Variants in TPTE observed in about 807,000 individuals in gnomAD.
TPTE encodes transmembrane phosphatase with tensin homology.
A neutral mutation model predicts 84.1 loss-of-function variants in TPTE; 59 were observed. That is an observed-to-expected ratio of 0.70 (90% CI 0.57 to 0.87). The LOEUF (loss-of-function observed/expected upper bound fraction) is 0.87, where lower values mean the gene tolerates loss of function less well. Among genes scored for constraint, TPTE ranks in the 40% least tolerant of loss-of-function variants. The pLI is 0.00. For synonymous variants in TPTE, 130 were observed against 223.5 expected (o/e 0.58, Z 3.73); for missense variants, 382 against 659.6 (o/e 0.58, Z 4.61).
chr21:10,537,677 CAAAAAAAA>C (rs58515233), intron 3 of TPTE, among the ~76,000 whole-genome samples: 13 of 109,822 alleles, frequency 1.2e-4, no homozygotes, highest in African/African-American at 3.6e-4. Context: ...GACTCCCCCT[CAAAAAAAA>C]AAAAAAAGAA....
chr21:10,587,162 GTTA>G (rs368290761), intron 17 of TPTE, among the ~76,000 whole-genome samples: 852 of 150,560 alleles, frequency 5.7e-3, no homozygotes, highest in African/African-American at 0.02. Flanking sequence ...TCTTGCATTT[GTTA>G]TTATTTGTTT....
chr21:10,586,406 G>T, intron 17 of TPTE, among the ~76,000 whole-genome samples: 1 of 152,386 alleles, frequency 6.6e-6, no homozygotes, highest in Admixed American at 6.5e-5. Context: ...ATTATATTGT[G>T]TGGTGGACAC....
intron 17 of TPTE, among the ~76,000 whole-genome samples, chr21:10,581,602 T>C (rs2075272256): frequency 2.0e-5 from 3 of 152,306 alleles, no homozygotes; most frequent in African/African-American, 7.2e-5. Context: ...ATAGTAAAAA[T>C]ATTTTATATT....
intron 14 of TPTE, among the ~76,000 whole-genome samples, chr21:10,576,857 A>G (rs1187757766): frequency 2.0e-5 from 2 of 97,918 alleles, no homozygotes; most frequent in African/African-American, 2.6e-4. Flanking sequence ...ATATATATAT[A>G]TATATATATA....
At chr21:10,561,239 T>G in intron 10 of TPTE, 48 bp downstream of exon 10, 1 of 1,604,608 alleles carries the variant, frequency 6.2e-7, no homozygotes, top group African/African-American at 1.3e-5. Context: ...TGTAGTTTTA[T>G]AAGAAGCACT....
At chr21:10,587,173 T>C (rs1326772517) in intron 17 of TPTE, among the ~76,000 whole-genome samples, 1 of 152,308 alleles carries the variant, frequency 6.6e-6, no homozygotes, top group Non-Finnish European at 1.5e-5. Flanking sequence ...TTATTATTTG[T>C]TTTTTAATAG....
chr21:10,581,128 G>A (rs1322480501), intron 17 of TPTE, among the ~76,000 whole-genome samples: 32 of 152,274 alleles, frequency 2.1e-4, no homozygotes, highest in African/African-American at 7.7e-4. Context: ...CAGGTTCTGT[G>A]TTTAGCTGTA....
At chr21:10,580,355 T>G (rs1187207989) in intron 17 of TPTE, among the ~76,000 whole-genome samples, 1 of 152,312 alleles carries the variant, frequency 6.6e-6, no homozygotes, top group Non-Finnish European at 1.5e-5. Context: ...GCGTTTTAGT[T>G]TGATACAGTA....
intron 21 of TPTE, 97 bp downstream of exon 21, chr21:10,598,191 AAAGAG>A (rs1462180744): frequency 6.5e-7 from 1 of 1,533,894 alleles, no homozygotes; most frequent in Non-Finnish European, 8.9e-7. Flanking sequence ...CACTCACCAT[AAAGAG>A]ATTCCATAAC....
At position 10,603,573 on chromosome 21, in the gene TPTE, A is replaced by C; in HGVS notation, c.1461A>C (p.Thr487=). The change falls in exon 23 of 24, where the codon ACA becomes ACC. Residue 487 remains threonine (T), a synonymous_variant. Coordinates refer to ENST00000618007, the MANE Select transcript of TPTE (RefSeq NM_199261.4). ...KVQFFYSNLP[T]YYDNCSFYFW... The stretch of plus-strand genomic sequence containing the variant: ...TTTTTTCTTTTTAGAATCTTCCTAC[A>C]TACTATGACAATTGCTCATTTTACT... 2 of 1,612,428 alleles carry C rather than the reference A, an allele frequency of 1.2e-6. No individual in the cohort carries two copies. The highest frequency in any genetic ancestry group is 1.1e-5 in the South Asian group (1 of 90,960).
intron 1 of TPTE, among the ~76,000 whole-genome samples, chr21:10,522,623 T>C (rs2074003177): frequency 6.6e-6 from 1 of 152,308 alleles, no homozygotes; most frequent in Non-Finnish European, 1.5e-5. Flanking sequence ...CATTTGCTTA[T>C]TTGCCAGTTG....
At chr21:10,523,787 A>G (rs1419554940) in intron 1 of TPTE, among the ~76,000 whole-genome samples, 2 of 152,308 alleles carry the variant, frequency 1.3e-5, no homozygotes, top group Admixed American at 6.5e-5. Flanking sequence ...TAGCAGCATG[A>G]TTTATAGTCC....
intron 6 of TPTE, among the ~76,000 whole-genome samples, 200 bp from the exon 7 acceptor site, chr21:10,543,128 CA>C (rs2074401531): frequency 7.8e-6 from 1 of 128,624 alleles, no homozygotes; most frequent in Non-Finnish European, 1.5e-5. Flanking sequence ...TTCCCGGGTT[CA>C]CGCCATTCTC....
At chr21:10,556,689 CCT>C (rs1226812832) in intron 8 of TPTE, among the ~76,000 whole-genome samples, 1 of 152,312 alleles carries the variant, frequency 6.6e-6, no homozygotes, top group Non-Finnish European at 1.5e-5. Flanking sequence ...TTCTCCACAT[CCT>C]CTCCAGCACC....
chr21:10,523,072 G>A (rs1449110508), intron 1 of TPTE, among the ~76,000 whole-genome samples: 4 of 152,306 alleles, frequency 2.6e-5, no homozygotes, highest in African/African-American at 7.2e-5. Flanking sequence ...GAGCATAACT[G>A]AGCCCTCTGG....
chr21:10,545,996 C>T (rs902538512), intron 7 of TPTE, among the ~76,000 whole-genome samples: 11 of 152,230 alleles, frequency 7.2e-5, no homozygotes, highest in African/African-American at 2.4e-4. Context: ...TTTATATATA[C>T]ATATATGTGT....
intron 8 of TPTE, among the ~76,000 whole-genome samples, chr21:10,557,443 A>G (rs1237247956): frequency 9.2e-5 from 14 of 152,312 alleles, no homozygotes; most frequent in African/African-American, 3.1e-4. Flanking sequence ...ATGCCTTCAT[A>G]ATCTGTCAGA....
intron 17 of TPTE, among the ~76,000 whole-genome samples, chr21:10,584,168 T>C (rs1358235773): frequency 7.2e-5 from 11 of 152,296 alleles, no homozygotes; most frequent in African/African-American, 2.7e-4. Flanking sequence ...GCTTTCTCAT[T>C]TTCTGTATAG....
intron 20 of TPTE, among the ~76,000 whole-genome samples, chr21:10,597,481 C>T (rs1378846144): frequency 6.9e-6 from 1 of 144,060 alleles, no homozygotes; most frequent in African/African-American, 2.6e-5. Flanking sequence ...GTGGTGTGAT[C>T]TCGGCTCACT....
Sources: gnomAD v4.1 joint callset for allele counts (sites outside exome capture counted in the v4.1 genomes callset) on GRCh38, gnomAD v4.1.1 for gene constraint, MANE v1.5 for transcripts, NCBI Gene and HGNC (gene_info 2026-07-23, HGNC 2026-07-21) for gene names.